Variants in ADCY8 observed in about 807,000 individuals in gnomAD.
ADCY8 encodes adenylate cyclase 8.
A neutral mutation model predicts 119.7 loss-of-function variants in ADCY8; 51 were observed. The ratio of observed to expected loss-of-function variants is 0.43; its 90% CI spans 0.34 to 0.54. ADCY8 has a LOEUF of 0.54. Among genes scored for constraint, ADCY8 ranks in the 20% least tolerant of loss-of-function variants. The pLI, the probability that ADCY8 is intolerant of heterozygous loss-of-function variation, is 0.03. For synonymous variants in ADCY8, 665 were observed against 651.0 expected (o/e 1.02, Z -0.33); for missense variants, 1,383 against 1,598.8 (o/e 0.87, Z 2.30).
chr8:130,917,773 G>C (rs1179905907), intron 5 of ADCY8, among the ~76,000 whole-genome samples: 2 of 151,820 alleles, frequency 1.3e-5, no homozygotes, highest in Non-Finnish European at 2.9e-5. Flanking sequence ...TTGTGTGTGT[G>C]TGTGTGTGTG....
rs911584910 is a variant in ADCY8, at chr8:130,840,512, C to T, written c.2503-4063G>A. On this transcript the variant is annotated intron_variant, in intron 11 of 17. Transcript: ENST00000286355. ...CTATATACAAGAGTTTTCAGAGGAGCCTTTTAAATGACAACAAAGAGTTTT... is the reference window on the plus strand; with the variant it reads ...CTATATACAAGAGTTTTCAGAGGAGTCTTTTAAATGACAACAAAGAGTTTT... Among the ~76,000 whole-genome samples the T allele has an allele frequency of 2.0e-5, 3 of 151,990 alleles. 1 individual carries two copies. Among genetic ancestry groups the T allele is most frequent in the Admixed American group, 1.3e-4 (2 of 15,254 alleles).
At chr8:131,010,665 G>C (rs1268180812) in intron 1 of ADCY8, among the ~76,000 whole-genome samples, 1 of 152,202 alleles carries the variant, frequency 6.6e-6, no homozygotes, top group Non-Finnish European at 1.5e-5. Flanking sequence ...ATGAGCATTT[G>C]ACATGGAGTG....
chr8:130,978,706 C>T (rs542305436), intron 2 of ADCY8, among the ~76,000 whole-genome samples: 1 of 152,204 alleles, frequency 6.6e-6, no homozygotes, highest in East Asian at 1.9e-4. Flanking sequence ...TAGTTTGTTA[C>T]AAAAAAATTC....
intron 17 of ADCY8, among the ~76,000 whole-genome samples, chr8:130,782,305 C>G (rs1465018066): frequency 6.6e-6 from 1 of 152,042 alleles, no homozygotes; most frequent in East Asian, 1.9e-4. Flanking sequence ...ACTTTGACAG[C>G]CAATATCCCA....
intron 2 of ADCY8, among the ~76,000 whole-genome samples, chr8:130,972,209 T>A (rs900162114): frequency 6.6e-6 from 1 of 152,196 alleles, no homozygotes; most frequent in African/African-American, 2.4e-5. Context: ...CATACTTTTA[T>A]TGAGCACTTA....
Position 130,994,107 on chromosome 8 carries a change from C to A in ADCY8, c.961-3565G>T, listed in dbSNP as rs889144635. ...AGTTTGATCAACTTTCATTGTTCAGCCAGAATTGTGTAAGCTGAACTAATT... is the reference window on the plus strand; with the variant it reads ...AGTTTGATCAACTTTCATTGTTCAGACAGAATTGTGTAAGCTGAACTAATT... On this transcript the variant is annotated intron_variant, in intron 1 of 17. Transcript: ENST00000286355. Among the ~76,000 whole-genome samples, 3 of 152,172 alleles carry A rather than the reference C, an allele frequency of 2.0e-5. No individual in the cohort carries two copies. In the South Asian group the frequency reaches 6.2e-4, roughly 32 times the overall value.
At chr8:130,820,165 A>C (rs970286256) in intron 13 of ADCY8, among the ~76,000 whole-genome samples, 2 of 152,196 alleles carry the variant, frequency 1.3e-5, no homozygotes, top group Admixed American at 1.3e-4. Context: ...TTCACTTGCC[A>C]AGTTTTAATA....
At chr8:131,007,598 C>T (rs1009982644) in intron 1 of ADCY8, among the ~76,000 whole-genome samples, 1 of 152,194 alleles carries the variant, frequency 6.6e-6, no homozygotes. Context: ...ACAGTAGATG[C>T]CCAGTAAATT....
At chr8:130,858,729 G>C (rs1303853865) in intron 9 of ADCY8, among the ~76,000 whole-genome samples, 3 of 152,146 alleles carry the variant, frequency 2.0e-5, no homozygotes, top group African/African-American at 7.2e-5. Context: ...CTGCATGGGA[G>C]ACATATCATT....
intron 8 of ADCY8, among the ~76,000 whole-genome samples, chr8:130,879,368 A>G (rs779304180): frequency 1.8e-4 from 28 of 152,240 alleles, no homozygotes; most frequent in Non-Finnish European, 3.8e-4. Flanking sequence ...GGTATAAGAA[A>G]TGTGCAAGTC....
intron 16 of ADCY8, 150 bp downstream of exon 16, chr8:130,785,233 C>T (rs1815212417): frequency 2.1e-6 from 1 of 472,870 alleles, no homozygotes; most frequent in Non-Finnish European, 3.6e-6. Flanking sequence ...GGGGGCAAAT[C>T]CACATCACGT....
At chr8:130,943,488 T>TGG in intron 3 of ADCY8, 26 bp from the exon 4 acceptor site, 19 of 187,416 alleles carry the variant, frequency 1.0e-4, no homozygotes, top group South Asian at 2.2e-4. Flanking sequence ...AGGGTGGGGG[T>TGG]GGGGGGAGGA....
chr8:130,828,091 G>C (rs927662436), intron 12 of ADCY8, among the ~76,000 whole-genome samples: 2 of 152,128 alleles, frequency 1.3e-5, no homozygotes, highest in Admixed American at 1.3e-4. Context: ...TTATCCAAAG[G>C]CTTCTGAACT....
intron 15 of ADCY8, among the ~76,000 whole-genome samples, chr8:130,791,018 C>T (rs10089947): frequency 0.011 from 1,656 of 152,310 alleles, 33 homozygotes; most frequent in African/African-American, 0.038. Flanking sequence ...CATGGGCCAA[C>T]GGCTAGAACA....
intron 14 of ADCY8, among the ~76,000 whole-genome samples, chr8:130,802,257 T>C (rs73716260): frequency 0.17 from 26,319 of 152,158 alleles, 2,874 homozygotes; most frequent in African/African-American, 0.31. Flanking sequence ...TCCTGACTCC[T>C]TCCCCATTGT....
intron 9 of ADCY8, among the ~76,000 whole-genome samples, chr8:130,867,445 G>C (rs187691048): frequency 3.3e-5 from 5 of 152,172 alleles, no homozygotes; most frequent in Non-Finnish European, 7.4e-5. Flanking sequence ...CCACAAACAG[G>C]TGTTTGCATT....
At chr8:130,963,138 T>A (rs1821658532) in intron 2 of ADCY8, among the ~76,000 whole-genome samples, 1 of 150,292 alleles carries the variant, frequency 6.7e-6, no homozygotes, top group Non-Finnish European at 1.5e-5. Flanking sequence ...TTTCTGAAAC[T>A]TGGATCATAG....
chr8:130,969,142 A>G (rs952071190), intron 2 of ADCY8, among the ~76,000 whole-genome samples: 2 of 152,174 alleles, frequency 1.3e-5, no homozygotes, highest in African/African-American at 4.8e-5. Context: ...TTTGGACAAG[A>G]TTAACATTTA....
chr8:130,957,679 C>G (rs912833399), intron 2 of ADCY8, among the ~76,000 whole-genome samples: 1 of 152,186 alleles, frequency 6.6e-6, no homozygotes, highest in African/African-American at 2.4e-5. Context: ...GGCCCAGGGT[C>G]CCCATACTGT....
Sources: gnomAD v4.1 joint callset for allele counts (sites outside exome capture counted in the v4.1 genomes callset) on GRCh38, gnomAD v4.1.1 for gene constraint, MANE v1.5 for transcripts, NCBI Gene and HGNC (gene_info 2026-07-23, HGNC 2026-07-21) for gene names.